Variants in YES1 observed in about 807,000 individuals in gnomAD.
The protein encoded by YES1 is YES proto-oncogene 1, Src family tyrosine kinase.
A neutral mutation model predicts 70.4 loss-of-function variants in YES1; 39 were observed. The observed-to-expected ratio is 0.55, with a 90% CI of 0.43 to 0.72. YES1 has a LOEUF of 0.72. Among genes scored for constraint, YES1 ranks in the 30% least tolerant of loss-of-function variants. The pLI, the probability that YES1 is intolerant of heterozygous loss-of-function variation, is 0.00. For synonymous variants in YES1, 198 were observed against 218.6 expected, an observed-to-expected ratio of 0.91 and a Z score of 0.83; for missense variants, 495 against 644.8, an observed-to-expected ratio of 0.77 and a Z score of 2.52.
At chr18:743,504 AAAAC>A (rs747350395) in intron 6 of YES1, 89 bp from the exon 7 acceptor site, 1 of 1,100,544 alleles carries the variant, frequency 9.1e-7, no homozygotes. Context: ...AAACTGTAGA[AAAAC>A]AAAAACAGAA....
intron 4 of YES1, among the ~76,000 whole-genome samples, chr18:747,418 G>A (rs1298343): frequency 2.6e-5 from 4 of 152,080 alleles, no homozygotes; most frequent in East Asian, 1.9e-4. Flanking sequence ...GCAGTGAGCC[G>A]AGATCACGCC....
chr18:731,948 C>G (rs2080094294), intron 11 of YES1, among the ~76,000 whole-genome samples: 1 of 111,428 alleles, frequency 9.0e-6, no homozygotes, highest in Non-Finnish European at 1.6e-5. Context: ...GCCTGGGCGA[C>G]AGAGCGAGAC....
chr18:744,394 CTT>C (rs397723072), intron 6 of YES1, among the ~76,000 whole-genome samples: 4 of 143,296 alleles, frequency 2.8e-5, no homozygotes, highest in Non-Finnish European at 3.0e-5. Flanking sequence ...GAGATTTTTT[CTT>C]TTTTTTTTTT....
intron 2 of YES1, among the ~76,000 whole-genome samples, chr18:753,814 A>G (rs541715667): frequency 6.6e-6 from 1 of 152,256 alleles, no homozygotes; most frequent in Non-Finnish European, 1.5e-5. Flanking sequence ...TCTAATAAGC[A>G]TTTAAAATTT....
intron 1 of YES1, among the ~76,000 whole-genome samples, chr18:768,228 CAT>C (rs1904998296): frequency 6.6e-6 from 1 of 152,180 alleles, no homozygotes; most frequent in Non-Finnish European, 1.5e-5. Context: ...CCTGCCAAAC[CAT>C]GCATGAGGGT....
chr18:752,153 G>A (rs1381064852), intron 2 of YES1, among the ~76,000 whole-genome samples: 1 of 152,172 alleles, frequency 6.6e-6, no homozygotes, highest in Non-Finnish European at 1.5e-5. Flanking sequence ...TGTCACCCAG[G>A]CTGGAGTGCA....
At chr18:756,085 T>A (rs3865403) in intron 2 of YES1, among the ~76,000 whole-genome samples, 66,781 of 151,920 alleles carry the variant, frequency 0.44, 14,720 homozygotes, top group South Asian at 0.5. Flanking sequence ...GTCTGAGCTT[T>A]AGGATTTTTC....
intron 8 of YES1, among the ~76,000 whole-genome samples, 186 bp downstream of exon 8, chr18:742,732 C>T (rs1291863999): frequency 6.6e-6 from 1 of 152,134 alleles, no homozygotes; most frequent in Non-Finnish European, 1.5e-5. Context: ...TCCTTTTAAA[C>T]GTCATACTAT....
At chr18:739,903 A>G in intron 8 of YES1, 92 bp from the exon 9 acceptor site, 1 of 917,588 alleles carries the variant, frequency 1.1e-6, no homozygotes, top group East Asian at 2.8e-5. Context: ...ACAACACAAA[A>G]CTTCTTAGCT....
intron 11 of YES1, among the ~76,000 whole-genome samples, chr18:731,117 A>G (rs2080083113): frequency 6.6e-6 from 1 of 152,196 alleles, no homozygotes; most frequent in South Asian, 2.1e-4. Flanking sequence ...AGTTATCTGG[A>G]AAGATGGCAA....
intron 1 of YES1, among the ~76,000 whole-genome samples, chr18:783,760 C>T (rs993073060): frequency 1.3e-5 from 2 of 151,946 alleles, no homozygotes; most frequent in East Asian, 1.9e-4. Context: ...GGATTACAGG[C>T]GCTGCCACCA....
intron 11 of YES1, among the ~76,000 whole-genome samples, chr18:728,862 C>CCA (rs2080052579): frequency 6.6e-6 from 1 of 152,162 alleles, no homozygotes; most frequent in Non-Finnish European, 1.5e-5. Context: ...TCAATCTGCA[C>CCA]CACCTCCTTA....
intron 3 of YES1, among the ~76,000 whole-genome samples, chr18:749,395 G>C (rs1436679142): frequency 1.3e-5 from 2 of 151,992 alleles, no homozygotes; most frequent in East Asian, 3.9e-4. Flanking sequence ...TTACTCAGGA[G>C]ACTGAGGCAG....
rs570205636 is a variant in YES1, at chr18:757,182, T to C, written c.-8-347A>G. 1.3e-4 allele frequency among the ~76,000 whole-genome samples: 20 copies of C among 152,346 alleles called. 1 individual carries two copies. The highest frequency in any genetic ancestry group is 1.0e-3 in the South Asian group (5 of 4,824). ...AGTAGTGGAGTGATTTCAGGGTATG[T>C]TGCTTAACCTCTATGCACTCCAGTT... On this transcript the variant is annotated intron_variant, in intron 1 of 11. Transcript: ENST00000314574.
chr18:747,854 A>T, intron 4 of YES1, 66 bp downstream of exon 4: 1 of 1,451,312 alleles, frequency 6.9e-7, no homozygotes, highest in Non-Finnish European at 9.6e-7. Context: ...GTTGTGGCTA[A>T]GTAGAATGTG....
intron 1 of YES1, among the ~76,000 whole-genome samples, chr18:800,930 G>A (rs1376004155): frequency 1.3e-5 from 2 of 152,096 alleles, no homozygotes; most frequent in South Asian, 2.1e-4. Context: ...GGTGGATCAC[G>A]AGGTCAGGAG....
intron 1 of YES1, among the ~76,000 whole-genome samples, chr18:802,293 C>A (rs926174691): frequency 3.9e-5 from 6 of 152,024 alleles, no homozygotes; most frequent in Admixed American, 1.3e-4. Flanking sequence ...TATTGCCAGG[C>A]GTGGTGGCTC....
At chr18:728,260 G>A (rs1289473090) in intron 11 of YES1, among the ~76,000 whole-genome samples, 1 of 151,540 alleles carries the variant, frequency 6.6e-6, no homozygotes, top group South Asian at 2.1e-4. Context: ...CAGGGAGGTA[G>A]AGGCTGCAGT....
At chr18:739,592 G>A (rs2080193292) in intron 9 of YES1, 143 bp downstream of exon 9, 1 of 634,954 alleles carries the variant, frequency 1.6e-6, no homozygotes. Context: ...CTGGGTGACA[G>A]AATGAGACGC....
Sources: allele counts gnomAD v4.1 joint callset (sites outside exome capture counted in the v4.1 genomes callset), GRCh38; gene constraint gnomAD v4.1.1; transcripts MANE v1.5; gene names NCBI Gene and HGNC (gene_info 2026-07-23, HGNC 2026-07-21).